The following ETV1 variants were observed in gnomAD, a reference collection of about 807,000 sequenced individuals.
ETV1 encodes the protein ETS variant transcription factor 1.
Under a neutral mutation model 62.3 loss-of-function variants are expected in ETV1, and 27 were observed. The observed-to-expected ratio is 0.43, with a 90% confidence interval of 0.32 to 0.60. The LOEUF is 0.60. Among genes scored for constraint, ETV1 ranks in the 20% least tolerant of loss-of-function variants. The probability of loss-of-function intolerance (pLI) is 0.06; values close to 1 mark genes in which losing one functional copy is unlikely to be tolerated. For synonymous variants in ETV1, 222 were observed against 199.6 expected (o/e 1.11, Z -0.94); for missense variants, 605 against 605.8 (o/e 1.00, Z 0.01).
At chr7:13,918,697 A>G (rs1165640580) in intron 9 of ETV1, among the ~76,000 whole-genome samples, 15 of 141,508 alleles carry the variant, frequency 1.1e-4, no homozygotes, top group South Asian at 9.2e-4. Context: ...ACGCAGGAAG[A>G]GGAATATCAC....
intron 6 of ETV1, among the ~76,000 whole-genome samples, chr7:13,952,389 C>T (rs571149756): frequency 1.3e-5 from 2 of 152,248 alleles, no homozygotes; most frequent in African/African-American, 2.4e-5. Context: ...GCATAACATT[C>T]TAAAGCCATT....
chr7:13,976,147 A>G (rs1781430544), intron 6 of ETV1, among the ~76,000 whole-genome samples: 1 of 152,200 alleles, frequency 6.6e-6, no homozygotes, highest in Admixed American at 6.5e-5. Context: ...ATCAAACAGC[A>G]TTATACAGTT....
intron 5 of ETV1, chr7:13,986,181 T>G: frequency 6.3e-7 from 1 of 1,591,242 alleles, no homozygotes; most frequent in Non-Finnish European, 8.6e-7. Flanking sequence ...AAGCATCCCG[T>G]CCTGATGAAC....
chr7:13,913,308 G>A (rs1783744397), intron 9 of ETV1, among the ~76,000 whole-genome samples: 2 of 152,164 alleles, frequency 1.3e-5, no homozygotes, highest in Non-Finnish European at 2.9e-5. Flanking sequence ...TATAGTTTAA[G>A]GATCATTAGT....
intron 5 of ETV1, among the ~76,000 whole-genome samples, chr7:13,984,246 G>A (rs1782305195): frequency 6.6e-6 from 1 of 151,816 alleles, no homozygotes; most frequent in Admixed American, 6.6e-5. Flanking sequence ...AAATTCCATG[G>A]TCACTTTCTT....
chr7:13,935,241 G>T (rs1786670954), intron 8 of ETV1, among the ~76,000 whole-genome samples: 1 of 152,072 alleles, frequency 6.6e-6, no homozygotes, highest in Admixed American at 6.6e-5. Context: ...GGAAAAGATG[G>T]TCAACAGTTT....
intron 6 of ETV1, among the ~76,000 whole-genome samples, chr7:13,959,986 TTGGAGTACTG>T (rs1483499909): frequency 6.6e-6 from 1 of 151,610 alleles, no homozygotes; most frequent in Non-Finnish European, 1.5e-5. Context: ...AGTTAAATAC[TTGGAGTACTG>T]TGCATAGACA....
chr7:13,930,483 G>T (rs1289629258), intron 9 of ETV1, among the ~76,000 whole-genome samples: 1 of 151,854 alleles, frequency 6.6e-6, no homozygotes, highest in Non-Finnish European at 1.5e-5. Flanking sequence ...CAGCATGCCC[G>T]GTTAATTTTT....
chr7:13,913,825 ATAAGG>A (rs1384300831), intron 9 of ETV1, among the ~76,000 whole-genome samples: 1 of 150,988 alleles, frequency 6.6e-6, no homozygotes, highest in Non-Finnish European at 1.5e-5. Flanking sequence ...TTATAAACTT[ATAAGG>A]TTTAAGCCAG....
chr7:13,908,268 G>T lies in ETV1; in HGVS notation c.940+1364C>A, dbSNP rs768562245. 2.6e-4 allele frequency among the ~76,000 whole-genome samples: 40 copies of T among 152,208 alleles called. 2 individuals carry two copies. The highest frequency in any genetic ancestry group is 3.4e-3 in the Middle Eastern group (1 of 294). On this transcript the variant is annotated intron_variant, in intron 11 of 13. Coordinates refer to ENST00000430479, the MANE Select transcript of ETV1 (RefSeq NM_004956.5). ...AGGGAATAAATAATCAAGGCAGCTT[G>T]TTCCCTAAATATTAGTGTGACTTTG... is the stretch of plus-strand genomic sequence containing the variant.
intron 3 of ETV1, chr7:13,988,571 A>G: frequency 1.3e-6 from 1 of 786,860 alleles, no homozygotes; most frequent in Non-Finnish European, 1.7e-6. Flanking sequence ...CCACAAAAAA[A>G]AAAAGCAAAA....
intron 5 of ETV1, 57 bp from the exon 6 acceptor site, chr7:13,977,537 G>A: frequency 8.5e-7 from 1 of 1,170,382 alleles, no homozygotes; most frequent in Non-Finnish European, 1.2e-6. Context: ...AAAAGCATAA[G>A]GAATGTCAAG....
Position 13,931,522 on chromosome 7 carries a change from C to T in ETV1, c.782G>A (p.Arg261Lys). The T allele has an allele frequency of 6.2e-7, 1 of 1,614,044 alleles. No homozygotes were observed. Among genetic ancestry groups the T allele is most frequent in the Middle Eastern group, 1.6e-4 (1 of 6,062 alleles). The change falls in exon 9 of 14, where the codon AGA becomes AAA. Residue 261 changes from arginine (R) to lysine (K), a missense_variant. By Grantham distance (26) the Arg-to-Lys change is conservative (BLOSUM62 2). Around this residue, in one of 3 missense-constraint regions of ETV1, gnomAD observed 426 missense variants for 377.8 expected, o/e 1.13. Coordinates refer to ENST00000430479, the MANE Select transcript of ETV1 (RefSeq NM_004956.5). ...CCTACCTGAGTCATATGCAAAATCT[C>T]TGGGTTCCTGTTTAATCATCAGAGG... The part of the protein sequence containing the change: ...PPPLMIKQEP[R>K]DFAYDSEVPS...
chr7:13,927,324 C>T (rs752059629), intron 9 of ETV1, among the ~76,000 whole-genome samples: 1 of 152,036 alleles, frequency 6.6e-6, no homozygotes, highest in Non-Finnish European at 1.5e-5. Context: ...TGGTGGCACA[C>T]GCCTGTAGTC....
At position 13,986,196 on chromosome 7, in the gene ETV1, A is replaced by G. The variant is rs368311415; in HGVS notation, c.181+442T>C. The G allele has an allele frequency of 8.0e-5, 127 of 1,582,214 alleles. 1 individual carries two copies. In the South Asian group the frequency reaches 1.2e-3, roughly 15 times the overall value. Reference sequence around the variant, plus strand: ...AAGCATCCCGTCCTGATGAACCCAGAGAAACTAATTTCTGCCATCAGAAAA... The same window carrying G: ...AAGCATCCCGTCCTGATGAACCCAGGGAAACTAATTTCTGCCATCAGAAAA... On this transcript the variant is annotated intron_variant, in intron 5 of 13. Coordinates refer to ENST00000430479, the MANE Select transcript of ETV1 (RefSeq NM_004956.5).
intron 9 of ETV1, among the ~76,000 whole-genome samples, chr7:13,927,811 C>G (rs971919973): frequency 8.5e-5 from 13 of 152,100 alleles, no homozygotes; most frequent in African/African-American, 3.1e-4. Flanking sequence ...TATTTTAAAT[C>G]CTGTCAGAAA....
At position 13,979,252 on chromosome 7, in the gene ETV1, T is replaced by C. The variant is rs557331809; in HGVS notation, c.182-1772A>G. Among the ~76,000 whole-genome samples the C allele has an allele frequency of 2.0e-5, 3 of 152,176 alleles. No individual in the cohort carries two copies. The East Asian group carries it at 5.8e-4, about 29-fold the overall frequency. On this transcript the variant is annotated intron_variant, in intron 5 of 13. Coordinates refer to ENST00000430479, the MANE Select transcript of ETV1 (RefSeq NM_004956.5). ...ACAGTCTAAACGCAATGCCAGCTAC[T>C]CAAGAAATGTTCCTTATTTTCTTCT...
At chr7:13,952,849 T>C (rs777219072) in intron 6 of ETV1, among the ~76,000 whole-genome samples, 7 of 152,186 alleles carry the variant, frequency 4.6e-5, no homozygotes, top group Non-Finnish European at 8.8e-5. Flanking sequence ...AATATGTTGA[T>C]TCATTCCTCT....
intron 9 of ETV1, among the ~76,000 whole-genome samples, chr7:13,923,680 A>T (rs2128439686): frequency 6.6e-6 from 1 of 152,236 alleles, no homozygotes; most frequent in East Asian, 1.9e-4. Flanking sequence ...TAATAGGGTA[A>T]TAAGGAAGTA....
Sources: allele counts gnomAD v4.1 joint callset (sites outside exome capture counted in the v4.1 genomes callset), GRCh38; gene constraint gnomAD v4.1.1; regional missense constraint gnomAD v4.1.1; transcripts MANE v1.5; gene names NCBI Gene and HGNC (gene_info 2026-07-23, HGNC 2026-07-21).